The following AQP5 variants were observed in gnomAD, a reference collection of about 807,000 sequenced individuals.
AQP5 encodes aquaporin 5.
A neutral mutation model predicts 19.1 loss-of-function variants in AQP5; 15 were observed. That is an observed-to-expected ratio of 0.79 (90% CI 0.53 to 1.21). The LOEUF (loss-of-function observed/expected upper bound fraction) is 1.21, where lower values mean the gene tolerates loss of function less well. Ranked by LOEUF, AQP5 falls within the 50% of genes most tolerant of loss-of-function variation. The pLI, the probability that AQP5 is intolerant of heterozygous loss-of-function variation, is 0.00. For missense variants in AQP5, 355 were observed against 357.1 expected (o/e 0.99, Z 0.05); for synonymous variants, 182 against 160.3 (o/e 1.14, Z -1.02).
At position 49,962,753 on chromosome 12, in the gene AQP5, C is replaced by G. The variant is rs889722770; in HGVS notation, c.363+373C>G. ...AGTAGAACCACCAGAGAAAAGCGGG[C>G]TGTCATCACGGCTTTGGGTGACCCT... On this transcript the variant is annotated intron_variant, in intron 1 of 3. Transcript: ENST00000293599. 4.4e-4 allele frequency: 91 copies of G among 206,674 alleles called. 1 individual carries two copies. The highest frequency in any genetic ancestry group is 8.1e-4 in the Non-Finnish European group (83 of 102,054). 12.8% of individuals were successfully genotyped at this position (206,674 alleles called of 1,614,324 possible).
intron 1 of AQP5, 22 bp downstream of exon 1, chr12:49,962,402 T>C (rs754711813): frequency 7.4e-7 from 1 of 1,349,026 alleles, no homozygotes; most frequent in African/African-American, 2.0e-5. Context: ...GGGGGGGGGG[T>C]GGGAGCCTCG....
Position 49,965,147 on chromosome 12 carries a change from G to C in AQP5, c.768G>C (p.Arg256=). Residue 256 remains arginine, a synonymous_variant, in exon 4 of 4, where the codon CGG becomes CGC. Coordinates refer to ENST00000293599, the MANE Select transcript of AQP5 (RefSeq NM_001651.4). ...ACTGGGAGGAGCAGCGGGAAGAGCGGAAGAAGACCATGGAGCTGACCACCC... is the reference window on the plus strand; with the variant it reads ...ACTGGGAGGAGCAGCGGGAAGAGCGCAAGAAGACCATGGAGCTGACCACCC... ...DEDWEEQREE[R]KKTMELTTR is the part of the protein sequence containing the mutation. 1 of 1,613,146 alleles carries C rather than the reference G, an allele frequency of 6.2e-7. No homozygotes were observed. Among genetic ancestry groups the C allele is most frequent in the Non-Finnish European group, 8.5e-7 (1 of 1,179,624 alleles).
At chr12:49,964,719 T>A (rs1341603003) in intron 3 of AQP5, 1 of 985,292 alleles carries the variant, frequency 1.0e-6, no homozygotes, top group Non-Finnish European at 1.2e-6. Flanking sequence ...TATTTGCTTC[T>A]CTTTCCGGTG....
At chr12:49,962,476 G>A in intron 1 of AQP5, 96 bp downstream of exon 1, 5 of 1,033,932 alleles carry the variant, frequency 4.8e-6, no homozygotes, top group South Asian at 1.6e-5. Context: ...GCCGCAGAGT[G>A]GGCCAGCCCA....
In AQP5 at chr12:49,964,977, C is replaced by T. The variant is rs1947473648; in HGVS notation, c.613-15C>T. 6.2e-7 allele frequency: 1 copy of T among 1,608,448 alleles called. No homozygotes were observed. Among genetic ancestry groups the T allele is most frequent in the Admixed American group, 1.7e-5 (1 of 59,664 alleles). ...CTGGGGCTCAGCGCCCTGACTCCTG[C>T]CCTGTCTCCACCAGGTTTTCTGGGT... On this transcript the variant is annotated splice_polypyrimidine_tract_variant and intron_variant, in intron 3 of 3. Coordinates refer to ENST00000293599, the MANE Select transcript of AQP5 (RefSeq NM_001651.4).
Position 49,962,077 on chromosome 12 carries a change from C to T in AQP5, c.60C>T (p.Ala20=). 1 of 1,612,450 alleles carries T rather than the reference C, an allele frequency of 6.2e-7. No individual in the cohort carries two copies. The highest frequency in any genetic ancestry group is 8.5e-7 in the Non-Finnish European group (1 of 1,178,922). ...FLKAVFAEFL[A]TLIFVFFGLG... is the part of the protein sequence containing the mutation. ...AGGCCGTGTTCGCAGAGTTCTTGGC[C>T]ACCCTCATCTTCGTCTTCTTTGGCC... Residue 20 remains alanine (A), a synonymous_variant, in exon 1 of 4, where the codon GCC becomes GCT. Coordinates refer to ENST00000293599, the MANE Select transcript of AQP5 (RefSeq NM_001651.4).
At chr12:49,964,719 T>C (rs1341603003) in intron 3 of AQP5, 1 of 985,292 alleles carries the variant, frequency 1.0e-6, no homozygotes, top group Non-Finnish European at 1.2e-6. Context: ...TATTTGCTTC[T>C]CTTTCCGGTG....
In AQP5 at chr12:49,962,122, G is replaced by A. The variant is rs752243612; in HGVS notation, c.105G>A (p.Trp35Ter). 1.2e-6 allele frequency: 2 copies of A among 1,613,290 alleles called. No individual in the cohort carries two copies. The highest frequency in any genetic ancestry group is 1.7e-5 in the Admixed American group (1 of 60,000). ...VFFGLGSALK[W>*]PSALPTILQI... ...TTGGCCTGGGCTCGGCCCTCAAGTG[G>A]CCGTCGGCGCTGCCTACCATCCTGC... is the stretch of plus-strand genomic sequence containing the variant. The change falls in exon 1 of 4, where the codon TGG becomes TGA. Residue 35 changes from tryptophan to a stop codon, truncating the protein, a stop_gained. Transcript: ENST00000293599. LOFTEE classifies it high-confidence loss of function.
intron 1 of AQP5, 140 bp from the exon 2 acceptor site, chr12:49,963,352 G>A (rs1293374963): frequency 1.5e-5 from 17 of 1,153,654 alleles, no homozygotes; most frequent in East Asian, 2.4e-5. Flanking sequence ...AAATGGCTTC[G>A]CTGGGGCGAT....
chr12:49,964,565 G>T (rs1283405000), intron 3 of AQP5: 21 of 860,964 alleles, frequency 2.4e-5, no homozygotes, highest in Non-Finnish European at 2.9e-5. Context: ...CTTCCTGTGG[G>T]TCTGTCCCTG....
intron 2 of AQP5, 33 bp downstream of exon 2, chr12:49,963,689 G>A: frequency 1.2e-6 from 2 of 1,600,026 alleles, no homozygotes; most frequent in Non-Finnish European, 1.7e-6. Context: ...TGGGGTGAGG[G>A]TGGGGCAGGC....
Position 49,965,414 on chromosome 12 carries a change from T to C in AQP5, c.*237T>C. 2.4e-6 allele frequency: 1 copy of C among 423,276 alleles called. No individual in the cohort carries two copies. The highest frequency in any genetic ancestry group is 4.1e-6 in the Non-Finnish European group (1 of 242,224). 26.2% of individuals were successfully genotyped at this position (423,276 alleles called of 1,614,324 possible). ...TCTCTCTGGGACAGACCTCAGAGAT[T>C]GTGAATGCAGTGCCAAGCTCACAGG... On this transcript the variant is annotated 3_prime_UTR_variant, in exon 4 of 4. Coordinates refer to ENST00000293599, the MANE Select transcript of AQP5 (RefSeq NM_001651.4).
intron 3 of AQP5, chr12:49,964,498 G>A (rs967459760): frequency 1.7e-5 from 6 of 359,790 alleles, no homozygotes; most frequent in East Asian, 1.6e-4. Context: ...CGGTGTCTGC[G>A]TGCTGGTCCT....
Position 49,963,585 on chromosome 12 carries a change from C to T in AQP5, c.457C>T (p.Arg153Cys), listed in dbSNP as rs146762965. 276 of 1,613,928 alleles carry T rather than the reference C, an allele frequency of 1.7e-4. 1 individual carries two copies. Among genetic ancestry groups the T allele is most frequent in the East Asian group, 8.0e-4 (36 of 44,876 alleles). ...ALCIFASTDS[R>C]RTSPVGSPAL... ...CTGCATCTTCGCCTCCACTGACTCC[C>T]GCCGCACCAGCCCTGTGGGCTCCCC... The change falls in exon 2 of 4, where the codon CGC (arginine) becomes TGC (cysteine). Residue 153 changes from arginine to cysteine, a missense_variant. Physicochemically the swap from Arg to Cys is radical, Grantham distance 180 (BLOSUM62 -3). Coordinates refer to ENST00000293599, the MANE Select transcript of AQP5 (RefSeq NM_001651.4).
Position 49,962,188 on chromosome 12 carries a change from C to A in AQP5, c.171C>A (p.Ala57=), listed in dbSNP as rs773450425. 4.8e-5 allele frequency: 78 copies of A among 1,609,530 alleles called. 1 individual carries two copies. Among genetic ancestry groups the A allele is most frequent in the Non-Finnish European group, 6.3e-5 (74 of 1,179,788 alleles). Residue 57 remains alanine, a synonymous_variant, in exon 1 of 4, where the codon GCC becomes GCA. Transcript: ENST00000293599. ...TTGGCCTGGCCATAGGCACGCTGGC[C>A]CAGGCCCTGGGACCCGTGAGCGGCG... ...LAFGLAIGTL[A]QALGPVSGGH...
At chr12:49,964,029 T>A in intron 2 of AQP5, 63 bp from the exon 3 acceptor site, 1 of 1,504,080 alleles carries the variant, frequency 6.6e-7, no homozygotes, top group South Asian at 1.1e-5. Context: ...CTTGAGAGAG[T>A]CCAGATTCTG....
At position 49,965,517 on chromosome 12, in the gene AQP5, A is replaced by G; in HGVS notation, c.*340A>G. On this transcript the variant is annotated 3_prime_UTR_variant, in exon 4 of 4. Transcript: ENST00000293599. ...TCCCCAACCCTTCCTCAAGAGCTGA[A>G]GGGATCCCAGCCCCTAGGTGGGCAG... 1 of 194,938 alleles carries G rather than the reference A, an allele frequency of 5.1e-6. No individual in the cohort carries two copies. The highest frequency in any genetic ancestry group is 1.0e-5 in the Non-Finnish European group (1 of 95,894). 12.1% of individuals were successfully genotyped at this position (194,938 alleles called of 1,614,324 possible). A position where few individuals can be genotyped will look rare whatever the true frequency, so the allele number is the denominator to read the frequency against.
chr12:49,963,862 A>G (rs995230760), intron 2 of AQP5: 2 of 829,716 alleles, frequency 2.4e-6, no homozygotes, highest in Admixed American at 2.8e-5. Context: ...AGTAAGTAGG[A>G]GGTGGGATGG....
chr12:49,962,308 C>G lies in AQP5; in HGVS notation c.291C>G (p.Gly97=). 6.2e-7 allele frequency: 1 copy of G among 1,607,308 alleles called. No homozygotes were observed. The highest frequency in any genetic ancestry group is 8.5e-7 in the Non-Finnish European group (1 of 1,179,838). Residue 97 remains glycine, a synonymous_variant, in exon 1 of 4, where the codon GGC becomes GGG. Transcript: ENST00000293599. ...AFFYVAAQLV[G]AIAGAGILYG... Reference sequence around the variant, plus strand: ...TCTACGTGGCGGCCCAGCTGGTGGGCGCCATTGCCGGGGCTGGCATCCTCT... The same window carrying G: ...TCTACGTGGCGGCCCAGCTGGTGGGGGCCATTGCCGGGGCTGGCATCCTCT...
Sources: allele counts gnomAD v4.1 joint callset, GRCh38; gene constraint gnomAD v4.1.1; transcripts MANE v1.5; gene names NCBI Gene and HGNC (gene_info 2026-07-23, HGNC 2026-07-21).